SPAG9: variants seen among roughly 807,000 people sequenced by gnomAD.
SPAG9 encodes sperm associated antigen 9.
SPAG9 carries 35 observed loss-of-function variants against 166.5 expected under a neutral mutation model. That is an observed-to-expected ratio of 0.21 (90% CI 0.16 to 0.28). The LOEUF is 0.28. Ranked by LOEUF, SPAG9 falls within the 10% of genes least tolerant of loss-of-function variation. The pLI is 1.00. For missense variants in SPAG9, 1,235 were observed against 1,603.3 expected (o/e 0.77, Z 3.92); for synonymous variants, 534 against 565.5 (o/e 0.94, Z 0.79).
At chr17:51,025,084 C>T (rs565554653) in intron 6 of SPAG9, among the ~76,000 whole-genome samples, 39 of 150,860 alleles carry the variant, frequency 2.6e-4, no homozygotes, top group African/African-American at 8.8e-4. Flanking sequence ...TTTGGAAGGC[C>T]GAGATAGGTG....
At chr17:51,082,439 T>G (rs1391780866) in intron 1 of SPAG9, among the ~76,000 whole-genome samples, 2 of 151,730 alleles carry the variant, frequency 1.3e-5, no homozygotes, top group Non-Finnish European at 2.9e-5. Context: ...TCCTCCCTGT[T>G]TATTTTCTTT....
At chr17:51,025,551 C>A (rs541372460) in intron 6 of SPAG9, among the ~76,000 whole-genome samples, 1 of 151,572 alleles carries the variant, frequency 6.6e-6, no homozygotes, top group Non-Finnish European at 1.5e-5. Flanking sequence ...TCCCTCTGAG[C>A]ACCATTTGCA....
At chr17:51,079,553 G>A (rs1210054755) in intron 2 of SPAG9, 31 bp downstream of exon 2, 1 of 1,607,662 alleles carries the variant, frequency 6.2e-7, no homozygotes, top group Non-Finnish European at 8.5e-7. Context: ...CCAATCTTTA[G>A]TGTACTTATG....
rs779952559 is a variant in SPAG9 at position 51,041,590 on chromosome 17, G to C, written c.652C>G (p.Pro218Ala). Residue 218 changes from proline (P) to alanine (A), a missense_variant, in exon 5 of 30, where the codon CCT (proline) becomes GCT (alanine). By Grantham distance (27) the Pro-to-Ala change is conservative. Around this residue, in one of 6 missense-constraint regions of SPAG9, gnomAD observed 288 missense variants for 323.7 expected, o/e 0.89. Transcript: ENST00000262013. ...GTCTCTCCTCCTTTCTGAGCATCAG[G>C]TGTAAGCAATCCATCTCCAGCAGGT... ...PLPAGDGLLT[P>A]DAQKGGETPG... 1.9e-6 allele frequency: 3 copies of C among 1,613,880 alleles called. 1 individual carries two copies. The highest frequency in any genetic ancestry group is 2.2e-5 in the South Asian group (2 of 91,074).
At chr17:51,021,390 A>T in intron 6 of SPAG9, 25 bp from the exon 7 acceptor site, 1 of 1,538,238 alleles carries the variant, frequency 6.5e-7, no homozygotes, top group Non-Finnish European at 8.8e-7. Context: ...AATTTAAAAT[A>T]AAATTTTAAA....
intron 2 of SPAG9, among the ~76,000 whole-genome samples, chr17:51,066,860 C>T (rs1397445884): frequency 6.6e-6 from 1 of 151,920 alleles, no homozygotes; most frequent in Non-Finnish European, 1.5e-5. Context: ...CCACTGCGCT[C>T]TAGCCTGGCG....
intron 5 of SPAG9, among the ~76,000 whole-genome samples, chr17:51,037,685 A>ATATATATATATATAGTGT: frequency 6.0e-5 from 5 of 83,492 alleles, no homozygotes; most frequent in African/African-American, 1.6e-4. Context: ...ATATATATAT[A>ATATATATATATATAGTGT]GTGTGTGTGT....
At chr17:51,034,662 C>T (rs190187441) in intron 5 of SPAG9, among the ~76,000 whole-genome samples, 1 of 151,956 alleles carries the variant, frequency 6.6e-6, no homozygotes, top group Non-Finnish European at 1.5e-5. Context: ...AGAAGAATTC[C>T]AATTAATAAA....
At chr17:51,027,364 G>A (rs2046223108) in intron 6 of SPAG9, among the ~76,000 whole-genome samples, 2 of 151,930 alleles carry the variant, frequency 1.3e-5, no homozygotes, top group Non-Finnish European at 2.9e-5. Context: ...TCCAGAAGGG[G>A]GAAGAGGTTG....
chr17:51,096,731 T>C (rs751929424), intron 1 of SPAG9, among the ~76,000 whole-genome samples: 4 of 152,146 alleles, frequency 2.6e-5, no homozygotes, highest in Non-Finnish European at 5.9e-5. Flanking sequence ...TAGATGCATA[T>C]GTATATCAAC....
chr17:50,964,755 C>A lies in SPAG9; in HGVS notation c.*1517G>T. 2.2e-6 allele frequency: 1 copy of A among 452,492 alleles called. No individual in the cohort carries two copies. Among genetic ancestry groups the A allele is most frequent in the Non-Finnish European group, 4.4e-6 (1 of 225,254 alleles). The allele number at this position is 452,492 out of a possible 1,614,324, so 28.0% of individuals were successfully genotyped here. On this transcript the variant is annotated 3_prime_UTR_variant, in exon 30 of 30. Coordinates refer to ENST00000262013, the MANE Select transcript of SPAG9 (RefSeq NM_001130528.3). ...AATCCAGACTTTAATCTATTTTTTG[C>A]TTGTTTGTCTGTTTTGAGACAGGGT...
chr17:51,082,686 T>C (rs1019149376), intron 1 of SPAG9, among the ~76,000 whole-genome samples: 17 of 152,028 alleles, frequency 1.1e-4, no homozygotes, highest in Non-Finnish European at 5.9e-5. Context: ...TATAGAAAAA[T>C]TTATAATTCA....
intron 1 of SPAG9, among the ~76,000 whole-genome samples, chr17:51,119,978 G>C (rs1285676399): frequency 6.6e-6 from 1 of 152,192 alleles, no homozygotes; most frequent in Admixed American, 6.5e-5. Flanking sequence ...CCCTCCCCAA[G>C]GGTAAAACTT....
Position 51,041,605 on chromosome 17 carries a change from C to T in SPAG9, c.637G>A (p.Asp213Asn), listed in dbSNP as rs2046841898. 1.2e-6 allele frequency: 2 copies of T among 1,613,892 alleles called. No homozygotes were observed. The highest frequency in any genetic ancestry group is 8.5e-7 in the Non-Finnish European group (1 of 1,179,798). The change falls in exon 5 of 30, where the codon GAT becomes AAT. Residue 213 changes from aspartate to asparagine, a missense_variant. By Grantham distance (23) the Asp-to-Asn change is conservative. Transcript: ENST00000262013. Reference sequence around the variant, plus strand: ...TGAGCATCAGGTGTAAGCAATCCATCTCCAGCAGGTAATGGGAAAATTCCT... The same window carrying T: ...TGAGCATCAGGTGTAAGCAATCCATTTCCAGCAGGTAATGGGAAAATTCCT... The part of the protein sequence containing the change: ...SLGIFPLPAG[D>N]GLLTPDAQKG...
At chr17:51,102,732 G>T (rs2048842115) in intron 1 of SPAG9, among the ~76,000 whole-genome samples, 1 of 151,986 alleles carries the variant, frequency 6.6e-6, no homozygotes, top group African/African-American at 2.4e-5. Flanking sequence ...TCGAACCCCT[G>T]ACCTCAAATA....
intron 6 of SPAG9, among the ~76,000 whole-genome samples, chr17:51,028,242 G>A (rs982320211): frequency 1.3e-5 from 2 of 151,952 alleles, no homozygotes; most frequent in African/African-American, 4.8e-5. Flanking sequence ...AGTAAGCTAA[G>A]GTTAATTTAT....
At position 51,074,367 on chromosome 17, in the gene SPAG9, G is replaced by A. The variant is rs571221702; in HGVS notation, c.424+5217C>T. On this transcript the variant is annotated intron_variant, in intron 2 of 29. Coordinates refer to ENST00000262013, the MANE Select transcript of SPAG9 (RefSeq NM_001130528.3). The stretch of plus-strand genomic sequence containing the variant: ...TTGAACCCAGGAGGCAGAGTGAACC[G>A]AGATGGTGCTACTGCACTCCAGTCT... 2.0e-4 allele frequency among the ~76,000 whole-genome samples: 31 copies of A among 152,316 alleles called. 1 individual carries two copies. The East Asian group carries it at 3.3e-3, about 16-fold the overall frequency.
At chr17:50,993,425 T>A (rs1255977399) in intron 19 of SPAG9, among the ~76,000 whole-genome samples, 1 of 151,946 alleles carries the variant, frequency 6.6e-6, no homozygotes, top group Non-Finnish European at 1.5e-5. Flanking sequence ...CATATGGATA[T>A]ATCACATACA....
intron 1 of SPAG9, among the ~76,000 whole-genome samples, chr17:51,098,219 G>A (rs1427590424): frequency 5.3e-5 from 8 of 151,898 alleles, no homozygotes; most frequent in Non-Finnish European, 1.2e-4. Context: ...GTTCAAGGGT[G>A]GCATATCTCA....
Sources: gnomAD v4.1 joint callset for allele counts (sites outside exome capture counted in the v4.1 genomes callset) on GRCh38, gnomAD v4.1.1 for gene constraint, gnomAD v4.1.1 regional missense constraint, MANE v1.5 for transcripts, NCBI Gene and HGNC (gene_info 2026-07-23, HGNC 2026-07-21) for gene names.